ZPBP: variants seen among roughly 807,000 people sequenced by gnomAD.
ZPBP encodes zona pellucida binding protein, also known as zona pellucida-binding protein 1.
In ZPBP, 26 loss-of-function variants were observed where a neutral mutation model predicts 44.8. The observed-to-expected ratio is 0.58, with a 90% CI of 0.43 to 0.81. The LOEUF is 0.81. Ranked by LOEUF, ZPBP falls within the 30% of genes least tolerant of loss-of-function variation. The probability of loss-of-function intolerance (pLI) is 0.00; values close to 1 mark genes in which losing one functional copy is unlikely to be tolerated. For missense variants in ZPBP, 409 were observed against 434.0 expected (o/e 0.94, Z 0.51); for synonymous variants, 174 against 153.2 (o/e 1.14, Z -1.00).
chr7:50,011,141 T>G (rs1227647525), intron 6 of ZPBP, among the ~76,000 whole-genome samples: 2 of 152,172 alleles, frequency 1.3e-5, no homozygotes, highest in Non-Finnish European at 2.9e-5. Flanking sequence ...CAAATGGTGC[T>G]GGGATAATTG....
chr7:50,045,875 C>G (rs1357790026), intron 4 of ZPBP, among the ~76,000 whole-genome samples: 1 of 152,182 alleles, frequency 6.6e-6, no homozygotes, highest in Non-Finnish European at 1.5e-5. Context: ...CTGGAGGCAT[C>G]ATGCTACCTG....
intron 6 of ZPBP, among the ~76,000 whole-genome samples, chr7:49,995,907 T>C (rs1214092646): frequency 6.6e-6 from 1 of 152,150 alleles, no homozygotes; most frequent in Non-Finnish European, 1.5e-5. Flanking sequence ...GTTTCATTAA[T>C]GGATACAAAC....
intron 7 of ZPBP, among the ~76,000 whole-genome samples, chr7:49,963,137 TTAA>T (rs1795923846): frequency 6.7e-6 from 1 of 149,322 alleles, no homozygotes; most frequent in Non-Finnish European, 1.5e-5. Flanking sequence ...TAAGTGCAAA[TTAA>T]TAATACTATA....
intron 6 of ZPBP, among the ~76,000 whole-genome samples, chr7:50,012,331 C>T (rs964398833): frequency 1.3e-5 from 2 of 151,828 alleles, no homozygotes; most frequent in Non-Finnish European, 2.9e-5. Flanking sequence ...TACTACAGGA[C>T]CCAGTGCTTC....
intron 3 of ZPBP, among the ~76,000 whole-genome samples, chr7:50,075,618 T>C (rs764592332): frequency 8.6e-5 from 13 of 151,954 alleles, no homozygotes; most frequent in Admixed American, 3.9e-4. Flanking sequence ...GTGATTACTA[T>C]GAGCAACTAT....
intron 1 of ZPBP, among the ~76,000 whole-genome samples, chr7:50,091,392 T>C (rs1393969333): frequency 1.3e-5 from 2 of 152,204 alleles, no homozygotes; most frequent in Non-Finnish European, 2.9e-5. Flanking sequence ...TTCTTGGACA[T>C]GAAATCTTTG....
intron 4 of ZPBP, among the ~76,000 whole-genome samples, chr7:50,047,668 A>G (rs1409116576): frequency 6.6e-6 from 1 of 151,964 alleles, no homozygotes; most frequent in East Asian, 1.9e-4. Context: ...ATGGCAAAAA[A>G]AAAAAAAAAA....
intron 2 of ZPBP, among the ~76,000 whole-genome samples, chr7:49,865,949 G>A (rs1013948481): frequency 2.6e-5 from 4 of 152,128 alleles, no homozygotes; most frequent in South Asian, 2.1e-4. Flanking sequence ...AAGTCTACTC[G>A]GCACCATCTT....
downstream of ZPBP, among the ~76,000 whole-genome samples, chr7:49,932,674 G>C (rs527294914): frequency 6.6e-6 from 1 of 152,240 alleles, no homozygotes; most frequent in South Asian, 2.1e-4. Context: ...AGGTATGATT[G>C]GTTTTGAAAT....
intron 6 of ZPBP, among the ~76,000 whole-genome samples, chr7:49,986,839 A>G (rs1797305604): frequency 6.6e-6 from 1 of 152,160 alleles, no homozygotes; most frequent in Non-Finnish European, 1.5e-5. Flanking sequence ...GGTTCTGTCA[A>G]AAAGAGGGGT....
At chr7:50,037,479 A>C (rs938800665) in intron 4 of ZPBP, among the ~76,000 whole-genome samples, 2 of 152,214 alleles carry the variant, frequency 1.3e-5, no homozygotes, top group Non-Finnish European at 2.9e-5. Context: ...AGCCTCAGGA[A>C]ACTCACAATC....
chr7:49,879,212 A>T (rs943797866), intron 2 of ZPBP, among the ~76,000 whole-genome samples: 24 of 152,160 alleles, frequency 1.6e-4, no homozygotes, highest in African/African-American at 5.8e-4. Flanking sequence ...TAAATTCCTA[A>T]TTTTGTCTTT....
chr7:49,915,963 C>T (rs945436666), intron 1 of ZPBP: 1 of 152,140 alleles, frequency 6.6e-6, no homozygotes, highest in Non-Finnish European at 1.5e-5. Context: ...TTGATACAGT[C>T]AGTAACTATT....
intron 1 of ZPBP, chr7:49,915,031 A>G (rs1322990464): frequency 1.1e-4 from 17 of 152,238 alleles, no homozygotes; most frequent in African/African-American, 3.6e-4. Flanking sequence ...ATCTGAAAGT[A>G]TAAAGCTACT....
At chr7:49,868,585 T>A (rs893125770) in intron 2 of ZPBP, among the ~76,000 whole-genome samples, 3 of 152,222 alleles carry the variant, frequency 2.0e-5, no homozygotes, top group South Asian at 4.1e-4. Flanking sequence ...AGCATTAATT[T>A]GCAACATTTA....
chr7:50,090,391 T>C (rs1464842793), intron 1 of ZPBP, among the ~76,000 whole-genome samples: 1 of 152,068 alleles, frequency 6.6e-6, no homozygotes, highest in Non-Finnish European at 1.5e-5. Flanking sequence ...AGAATAATAG[T>C]CTCCAATCCC....
chr7:49,887,714 G>C (rs1011014525), intron 2 of ZPBP, among the ~76,000 whole-genome samples: 2 of 149,842 alleles, frequency 1.3e-5, no homozygotes, highest in Non-Finnish European at 2.9e-5. Context: ...CAGCTCAAAT[G>C]CAAGTGTCTC....
intron 1 of ZPBP, among the ~76,000 whole-genome samples, chr7:49,922,189 T>C (rs1173578764): frequency 6.6e-6 from 1 of 152,206 alleles, no homozygotes; most frequent in Non-Finnish European, 1.5e-5. Context: ...ATCTATAATA[T>C]AATATCCCAC....
At position 50,049,915 on chromosome 7, in the gene ZPBP, A is replaced by C. The variant is rs145171387; in HGVS notation, c.487+8074T>G. On this transcript the variant is annotated intron_variant, in intron 4 of 7. Coordinates refer to ENST00000046087, the MANE Select transcript of ZPBP (RefSeq NM_007009.3). ...ACGAAGAATCTACCAAAATCTAAAA[A>C]TCTAGTATTGTTACATGACTTTGAC... Among the ~76,000 whole-genome samples, 94 of 152,154 alleles carry C rather than the reference A, an allele frequency of 6.2e-4. 1 individual carries two copies. The East Asian group carries it at 9.6e-3, about 16-fold the overall frequency.
Sources: allele counts gnomAD v4.1 joint callset (sites outside exome capture counted in the v4.1 genomes callset), GRCh38; gene constraint gnomAD v4.1.1; transcripts MANE v1.5; gene names NCBI Gene and HGNC (gene_info 2026-07-23, HGNC 2026-07-21).